Variants in RNLS observed in about 807,000 individuals in gnomAD.
RNLS encodes renalase, FAD dependent amine oxidase, also known as renalase.
Under a neutral mutation model 39.8 loss-of-function variants are expected in RNLS, and 39 were observed. The ratio of observed to expected loss-of-function variants is 0.98; its 90% CI spans 0.76 to 1.28. RNLS has a LOEUF of 1.28. Ranked by LOEUF, RNLS falls within the 50% of genes most tolerant of loss-of-function variation. RNLS has a pLI of 0.00. For missense variants in RNLS, 410 were observed against 413.3 expected, an observed-to-expected ratio of 0.99 and a Z score of 0.07; for synonymous variants, 147 against 150.7, an observed-to-expected ratio of 0.98 and a Z score of 0.18.
intron 4 of RNLS, among the ~76,000 whole-genome samples, chr10:88,500,693 C>A (rs952685611): frequency 1.9e-4 from 29 of 152,108 alleles, no homozygotes; most frequent in African/African-American, 6.3e-4. Flanking sequence ...AATGGCAAAA[C>A]TAATAACCTA....
chr10:88,254,086 C>G, the RNLS span, among the ~76,000 whole-genome samples: 2 of 152,116 alleles, frequency 1.3e-5, no homozygotes, highest in Non-Finnish European at 2.9e-5. Context: ...TAAAGAAGAA[C>G]ATTTTGCACA....
In RNLS at chr10:88,351,096, T is replaced by C. The variant is rs140504325; in HGVS notation, c.700+11456A>G. On this transcript the variant is annotated intron_variant, in intron 5 of 6. Coordinates refer to ENST00000331772, the MANE Select transcript of RNLS (RefSeq NM_001031709.3). ...GTGGGGTTGTTTTTTTTCTTGTAAA[T>C]TTGTTTGAGTTCTTTCTAGATTCAG... 8.2e-3 allele frequency among the ~76,000 whole-genome samples: 1,249 copies of C among 152,216 alleles called. 21 individuals carry two copies. The highest frequency in any genetic ancestry group is 0.029 in the South Asian group (138 of 4,808).
At chr10:88,443,360 C>G (rs975033935) in intron 4 of RNLS, among the ~76,000 whole-genome samples, 1 of 152,104 alleles carries the variant, frequency 6.6e-6, no homozygotes, top group African/African-American at 2.4e-5. Flanking sequence ...CAAATAGGAA[C>G]AGCTCCAGTC....
chr10:88,376,663 T>C (rs968186748), intron 4 of RNLS, among the ~76,000 whole-genome samples: 21 of 152,244 alleles, frequency 1.4e-4, no homozygotes, highest in African/African-American at 5.1e-4. Context: ...GTGGCAGGTA[T>C]ACCAAAATCA....
At chr10:88,317,057 T>C (rs1187303883) in intron 5 of RNLS, among the ~76,000 whole-genome samples, 1 of 152,174 alleles carries the variant, frequency 6.6e-6, no homozygotes, top group East Asian at 1.9e-4. Flanking sequence ...CACGGGGAAG[T>C]TAATGATGCT....
At chr10:88,476,396 C>T (rs1843824725) in intron 4 of RNLS, among the ~76,000 whole-genome samples, 1 of 152,132 alleles carries the variant, frequency 6.6e-6, no homozygotes, top group Non-Finnish European at 1.5e-5. Context: ...ACTAATTACA[C>T]ATAGTTTGCT....
chr10:88,434,125 G>C (rs1220789579), intron 4 of RNLS, among the ~76,000 whole-genome samples: 1 of 152,078 alleles, frequency 6.6e-6, no homozygotes. Flanking sequence ...TTAAAACAAA[G>C]ATGTATAACT....
intron 4 of RNLS, among the ~76,000 whole-genome samples, chr10:88,495,279 G>T (rs904509598): frequency 6.6e-6 from 1 of 152,016 alleles, no homozygotes; most frequent in Admixed American, 6.6e-5. Flanking sequence ...TTCTAAGAAA[G>T]GTACACACAG....
intron 4 of RNLS, among the ~76,000 whole-genome samples, chr10:88,453,229 T>A (rs1054767004): frequency 3.3e-5 from 5 of 152,184 alleles, no homozygotes; most frequent in African/African-American, 1.2e-4. Context: ...CTATAGTACT[T>A]ACACCTCCAG....
rs75219397 is a variant in RNLS at position 88,300,492 on chromosome 10, A to G, written c.876+13974T>C. Among the ~76,000 whole-genome samples the G allele has an allele frequency of 6.9e-3, 1,052 of 152,304 alleles. 12 individuals are homozygous for G. Among genetic ancestry groups the G allele is most frequent in the African/African-American group, 0.024 (995 of 41,552 alleles). ...CTTGGAACACTGCTCCAACATCACT[A>G]ACTTTACCTGTCTCCCTCATTTTGA... On this transcript the variant is annotated intron_variant, in intron 6 of 6. Transcript: ENST00000331772.
intron 4 of RNLS, among the ~76,000 whole-genome samples, chr10:88,413,124 G>A (rs1787097157): frequency 6.6e-6 from 1 of 152,164 alleles, no homozygotes; most frequent in Non-Finnish European, 1.5e-5. Flanking sequence ...GTGGAGGGTT[G>A]AGACAAAGGT....
At chr10:88,228,491 G>T in the RNLS span, among the ~76,000 whole-genome samples, 1 of 152,272 alleles carries the variant, frequency 6.6e-6, no homozygotes, top group East Asian at 1.9e-4. Context: ...GTGCAAGGAC[G>T]CTGGGAAGTA....
intron 4 of RNLS, among the ~76,000 whole-genome samples, chr10:88,531,848 C>G (rs1847446300): frequency 6.6e-6 from 1 of 152,002 alleles, no homozygotes; most frequent in African/African-American, 2.4e-5. Context: ...ATACCTTTAA[C>G]TTGAAAAAGG....
chr10:88,215,910 G>A, the RNLS span, among the ~76,000 whole-genome samples: 4 of 152,036 alleles, frequency 2.6e-5, no homozygotes, highest in African/African-American at 7.2e-5. Context: ...ATGTTCACCA[G>A]GCTAGTCTCT....
rs1002050531 is a variant in RNLS, at chr10:88,387,117, G to GA, written c.527-24393dup. ...AATAGCTGTCCTCTATTTCTCAAGGGAAAAAATATACAGTCAAACCTTGCT... is the reference window on the plus strand; with the variant it reads ...AATAGCTGTCCTCTATTTCTCAAGGGAAAAAAATATACAGTCAAACCTTGCT... On this transcript the variant is annotated intron_variant, in intron 4 of 6. Transcript: ENST00000331772. Among the ~76,000 whole-genome samples, 6 of 152,096 alleles carry GA rather than the reference G, an allele frequency of 3.9e-5. No homozygotes were observed. The South Asian group carries it at 1.0e-3, about 26-fold the overall frequency.
the RNLS span, among the ~76,000 whole-genome samples, chr10:88,203,450 GTGTGTGTATATATATATATATATATATA>G: frequency 0.061 from 1,116 of 18,240 alleles, 93 homozygotes; most frequent in African/African-American, 0.14. Context: ...GTGTGTGTGT[GTGTGTGTATATATATATATATATATATA>G]TATATATATA....
intron 5 of RNLS, among the ~76,000 whole-genome samples, chr10:88,330,170 T>A (rs1847011003): frequency 6.7e-6 from 1 of 149,784 alleles, no homozygotes; most frequent in Non-Finnish European, 1.5e-5. Flanking sequence ...TATATTTCTT[T>A]ATATATGTTT....
intron 4 of RNLS, among the ~76,000 whole-genome samples, chr10:88,533,195 C>A (rs907561836): frequency 1.3e-5 from 2 of 152,054 alleles, no homozygotes; most frequent in Admixed American, 1.3e-4. Flanking sequence ...GAGTGCCAGT[C>A]AATTCTCTTA....
chr10:88,426,641 C>G (rs1244695505), intron 4 of RNLS, among the ~76,000 whole-genome samples: 2 of 152,060 alleles, frequency 1.3e-5, no homozygotes, highest in Admixed American at 6.6e-5. Context: ...GTTCTAGATG[C>G]TTTGCATGTA....
Sources: allele counts gnomAD v4.1 joint callset (sites outside exome capture counted in the v4.1 genomes callset), GRCh38; gene constraint gnomAD v4.1.1; transcripts MANE v1.5; gene names NCBI Gene and HGNC (gene_info 2026-07-23, HGNC 2026-07-21).